PCDH7: variants seen among roughly 807,000 people sequenced by gnomAD.
PCDH7 encodes protocadherin-7.
A neutral mutation model predicts 58.9 loss-of-function variants in PCDH7; 17 were observed. That is an observed-to-expected ratio of 0.29 (90% CI 0.20 to 0.43). PCDH7 has a LOEUF of 0.43. Ranked by LOEUF, PCDH7 falls within the 20% of genes least tolerant of loss-of-function variation. PCDH7 has a pLI of 1.00. For synonymous variants in PCDH7, 664 were observed against 616.4 expected, an observed-to-expected ratio of 1.08 and a Z score of -1.14; for missense variants, 1,274 against 1,441.0, an observed-to-expected ratio of 0.88 and a Z score of 1.88.
At chr4:31,069,868 C>CATTTGATGGT (rs879870496) in intron 3 of PCDH7, among the ~76,000 whole-genome samples, 1 of 151,228 alleles carries the variant, frequency 6.6e-6, no homozygotes, top group Non-Finnish European at 1.5e-5. Context: ...CTCAAATTTT[C>CATTTGATGGT]TCCACTTGAT....
chr4:30,862,918 A>T (rs1456512173), intron 1 of PCDH7, among the ~76,000 whole-genome samples: 1 of 152,112 alleles, frequency 6.6e-6, no homozygotes, highest in Non-Finnish European at 1.5e-5. Flanking sequence ...AGTTCTGATT[A>T]TGAGAATGTA....
intron 2 of PCDH7, chr4:30,935,426 A>G (rs1560515446): frequency 8.8e-6 from 3 of 341,144 alleles, no homozygotes; most frequent in Non-Finnish European, 1.2e-5. Flanking sequence ...TCTAACTACC[A>G]TGAACAAGTT....
At chr4:30,868,983 A>C (rs1250182419) in intron 1 of PCDH7, 1 of 152,116 alleles carries the variant, frequency 6.6e-6, no homozygotes, top group Non-Finnish European at 1.5e-5. Context: ...ACTATGTCAA[A>C]AGAAAACCAA....
rs1175266745 is a variant in PCDH7, at chr4:30,847,168, A to C, written c.71-72985A>C. Among the ~76,000 whole-genome samples the C allele has an allele frequency of 3.3e-5, 5 of 152,094 alleles. No homozygotes were observed. In the East Asian group the frequency reaches 9.6e-4, roughly 29 times the overall value. ...AAAAAAAGAATGCATTTTTTTAAAA[A>C]AGGTTTTAACTTTATTCATAATTTA... On this transcript the variant is annotated intron_variant, in intron 1 of 3. Transcript: ENST00000509759.
chr4:31,036,605 A>G (rs1049097113), intron 3 of PCDH7, among the ~76,000 whole-genome samples: 1 of 152,202 alleles, frequency 6.6e-6, no homozygotes, highest in African/African-American at 2.4e-5. Context: ...ATTGAATTAG[A>G]GAGTGAACTA....
At chr4:30,887,296 G>T (rs1737953688) in intron 1 of PCDH7, among the ~76,000 whole-genome samples, 1 of 151,996 alleles carries the variant, frequency 6.6e-6, no homozygotes, top group Non-Finnish European at 1.5e-5. Context: ...TTAAAGCTGG[G>T]ATTGCTATAA....
chr4:31,118,552 A>G (rs531886495), intron 3 of PCDH7, among the ~76,000 whole-genome samples: 2 of 152,290 alleles, frequency 1.3e-5, no homozygotes, highest in African/African-American at 4.8e-5. Flanking sequence ...AAGAAAAAAA[A>G]GAAGAACAAA....
At chr4:30,745,187 A>G (rs1004986298) in intron 1 of PCDH7, among the ~76,000 whole-genome samples, 6 of 152,052 alleles carry the variant, frequency 3.9e-5, no homozygotes, top group African/African-American at 9.7e-5. Context: ...AGTACAATTC[A>G]TCTGAGTCAT....
At position 30,822,731 on chromosome 4, in the gene PCDH7, T is replaced by G. The variant is rs1262835530; in HGVS notation, c.71-97422T>G. Reference sequence around the variant, plus strand: ...TATTACAGAATGCAACTGTGGGGAGTGCGCAGAGGATAATCTACACAAGAT... The same window carrying G: ...TATTACAGAATGCAACTGTGGGGAGGGCGCAGAGGATAATCTACACAAGAT... On this transcript the variant is annotated intron_variant, in intron 1 of 3. Transcript: ENST00000509759. Among the ~76,000 whole-genome samples the G allele has an allele frequency of 2.6e-5, 4 of 151,346 alleles. No homozygotes were observed. The East Asian group carries it at 7.8e-4, about 30-fold the overall frequency.
intron 3 of PCDH7, among the ~76,000 whole-genome samples, chr4:31,035,434 A>G (rs1019497390): frequency 4.0e-5 from 6 of 151,822 alleles, no homozygotes; most frequent in African/African-American, 1.5e-4. Flanking sequence ...TTGTATTTTT[A>G]GTAGAGACGA....
chr4:31,121,471 G>A (rs145388059), intron 3 of PCDH7, among the ~76,000 whole-genome samples: 51 of 152,204 alleles, frequency 3.4e-4, no homozygotes, highest in Admixed American at 1.9e-3. Context: ...ATTTAAGTCC[G>A]ATATCCTGTG....
intron 2 of PCDH7, among the ~76,000 whole-genome samples, chr4:30,933,358 G>A (rs1744923825): frequency 6.6e-6 from 1 of 152,018 alleles, no homozygotes. Context: ...GAGGCCTGAT[G>A]AGGCTTGCAG....
At chr4:31,134,214 C>A (rs1189857046) in intron 3 of PCDH7, among the ~76,000 whole-genome samples, 2 of 152,138 alleles carry the variant, frequency 1.3e-5, no homozygotes, top group African/African-American at 4.8e-5. Context: ...GTAATCCCAG[C>A]ACTTTGGAAG....
chr4:30,903,891 A>G (rs1229075221), intron 1 of PCDH7, among the ~76,000 whole-genome samples: 1 of 152,126 alleles, frequency 6.6e-6, no homozygotes, highest in Non-Finnish European at 1.5e-5. Flanking sequence ...TAAAAGTAAG[A>G]CTATAAAGAC....
rs188197451 is a variant in PCDH7, at chr4:30,854,248, G to A, written c.71-65905G>A. Among the ~76,000 whole-genome samples the A allele has an allele frequency of 5.3e-5, 8 of 149,692 alleles. No individual in the cohort carries two copies. In the East Asian group the frequency reaches 1.6e-3, roughly 29 times the overall value. ...CATTTTGGACTATCTAATTCTTAGG[G>A]GCTTTCTTGTGCATTGTGGGACGTT... On this transcript the variant is annotated intron_variant, in intron 1 of 3. Transcript: ENST00000509759.
At chr4:31,030,859 C>T (rs1754851418) in intron 3 of PCDH7, among the ~76,000 whole-genome samples, 1 of 152,106 alleles carries the variant, frequency 6.6e-6, no homozygotes, top group Non-Finnish European at 1.5e-5. Context: ...GGGCAAAGAA[C>T]ATGTTGATGA....
intron 1 of PCDH7, among the ~76,000 whole-genome samples, chr4:30,793,071 CA>C (rs1342036610): frequency 2.0e-5 from 3 of 152,090 alleles, no homozygotes; most frequent in Admixed American, 6.6e-5. Flanking sequence ...TCAAATTTAT[CA>C]TGTGGGCCTT....
intron 3 of PCDH7, among the ~76,000 whole-genome samples, chr4:31,032,754 T>A (rs960635637): frequency 6.6e-6 from 1 of 151,002 alleles, no homozygotes; most frequent in African/African-American, 2.5e-5. Context: ...ACTTGATTTT[T>A]ACAAATAATC....
At chr4:30,872,124 A>C (rs1735691912) in intron 1 of PCDH7, among the ~76,000 whole-genome samples, 1 of 152,136 alleles carries the variant, frequency 6.6e-6, no homozygotes, top group African/African-American at 2.4e-5. Context: ...TTTAGCCCAT[A>C]ACAGATAAAT....
Sources: allele counts gnomAD v4.1 joint callset (sites outside exome capture counted in the v4.1 genomes callset), GRCh38; gene constraint gnomAD v4.1.1; transcripts MANE v1.5; gene names NCBI Gene and HGNC (gene_info 2026-07-23, HGNC 2026-07-21).